The following FBXW11 variants were observed in gnomAD, a reference collection of about 807,000 sequenced individuals.
The protein encoded by FBXW11 is F-box/WD repeat-containing protein 11.
In FBXW11, 19 loss-of-function variants were observed where a neutral mutation model predicts 77.6. The ratio of observed to expected loss-of-function variants is 0.24; its 90% CI spans 0.17 to 0.36. The LOEUF is 0.36. FBXW11 is among the 10% of genes least tolerant of loss of function. The probability of loss-of-function intolerance (pLI) is 1.00; values close to 1 mark genes in which losing one functional copy is unlikely to be tolerated. For synonymous variants in FBXW11, 235 were observed against 249.4 expected, an observed-to-expected ratio of 0.94 and a Z score of 0.54; for missense variants, 334 against 704.2, an observed-to-expected ratio of 0.47 and a Z score of 5.95.
At chr5:171,912,234 T>C (rs995236470) in intron 3 of FBXW11, among the ~76,000 whole-genome samples, 4 of 152,216 alleles carry the variant, frequency 2.6e-5, no homozygotes, top group Admixed American at 2.6e-4. Flanking sequence ...AAGGCATCTA[T>C]CTTCCACTCA....
At chr5:171,946,749 C>T in intron 2 of FBXW11, among the ~76,000 whole-genome samples, 1 of 150,026 alleles carries the variant, frequency 6.7e-6, no homozygotes, top group East Asian at 2.0e-4. Context: ...TTGGGGTGCT[C>T]TATTCCCCCC....
intron 2 of FBXW11, among the ~76,000 whole-genome samples, chr5:171,951,615 C>T (rs1235927741): frequency 6.6e-6 from 1 of 151,980 alleles, no homozygotes; most frequent in Non-Finnish European, 1.5e-5. Context: ...TGTAGCCTCC[C>T]GAGTAGCTGA....
Position 171,914,423 on chromosome 5 carries a change from G to A in FBXW11, c.148-18C>T, listed in dbSNP as rs1581193483. 1 of 1,561,720 alleles carries A rather than the reference G, an allele frequency of 6.4e-7. No homozygotes were observed. The highest frequency in any genetic ancestry group is 8.6e-7 in the Non-Finnish European group (1 of 1,161,488). The stretch of plus-strand genomic sequence containing the variant: ...GAAGTGTTCTAGGGGGGGAAAAACA[G>A]GTTATTTGAATTATACCAAGTTTTG... On this transcript the variant is annotated intron_variant, in intron 2 of 13. Transcript: ENST00000517395.
At chr5:171,983,210 C>T (rs1022545908) in intron 1 of FBXW11, among the ~76,000 whole-genome samples, 3 of 151,940 alleles carry the variant, frequency 2.0e-5, no homozygotes, top group Non-Finnish European at 4.4e-5. Flanking sequence ...ACAAAAAAAC[C>T]AAGAGGACAG....
Position 171,953,613 on chromosome 5 carries a change from G to A in FBXW11, c.147+3984C>T, listed in dbSNP as rs147743000. ...CCAGGAGCAAGTAAATTTAAAAAAT[G>A]GATTTCATACCCCCCAAGAGTAAGA... On this transcript the variant is annotated intron_variant, in intron 2 of 13. Transcript: ENST00000517395. Among the ~76,000 whole-genome samples the A allele has an allele frequency of 2.5e-3, 384 of 152,180 alleles. 2 individuals are homozygous for A. The highest frequency in any genetic ancestry group is 8.0e-3 in the African/African-American group (333 of 41,504).
chr5:171,930,639 T>C (rs1156813159), intron 2 of FBXW11, among the ~76,000 whole-genome samples: 2 of 151,692 alleles, frequency 1.3e-5, no homozygotes, highest in East Asian at 3.9e-4. Context: ...TGTTCACTTG[T>C]TTATCTGCTG....
intron 2 of FBXW11, among the ~76,000 whole-genome samples, chr5:171,936,892 C>G (rs914298329): frequency 6.6e-6 from 1 of 152,028 alleles, no homozygotes; most frequent in Non-Finnish European, 1.5e-5. Flanking sequence ...AGCCTCTGAT[C>G]AAAAGATAAT....
chr5:171,920,680 C>T (rs1761543105), intron 2 of FBXW11, among the ~76,000 whole-genome samples: 1 of 152,046 alleles, frequency 6.6e-6, no homozygotes, highest in Non-Finnish European at 1.5e-5. Context: ...GCCCGGGCAA[C>T]AGAGCAAGCT....
chr5:171,893,420 C>CAAAAAAAAAA (rs1561656713), intron 6 of FBXW11, among the ~76,000 whole-genome samples: 1 of 4,530 alleles, frequency 2.2e-4, no homozygotes, highest in Non-Finnish European at 1.2e-3. Flanking sequence ...CACTTCAAAA[C>CAAAAAAAAAA]CAAAAAAAAA....
chr5:172,002,414 ATGTGTG>A (rs55720474), intron 1 of FBXW11, among the ~76,000 whole-genome samples: 78 of 144,068 alleles, frequency 5.4e-4, no homozygotes, highest in Middle Eastern at 7.0e-3. Context: ...TTTTATATAA[ATGTGTG>A]TGTGTGTGTG....
At chr5:171,992,491 GAAAGA>G (rs1375914107) in intron 1 of FBXW11, among the ~76,000 whole-genome samples, 5 of 148,616 alleles carry the variant, frequency 3.4e-5, no homozygotes, top group Non-Finnish European at 7.5e-5. Flanking sequence ...AAGAAAGGAA[GAAAGA>G]AAAGAGAGAG....
At chr5:171,891,209 A>G (rs1759323627) in intron 7 of FBXW11, among the ~76,000 whole-genome samples, 1 of 152,140 alleles carries the variant, frequency 6.6e-6, no homozygotes, top group Non-Finnish European at 1.5e-5. Flanking sequence ...TGATACTGGG[A>G]TATTTTCTAT....
At chr5:171,902,804 A>G (rs1215056796) in intron 4 of FBXW11, among the ~76,000 whole-genome samples, 1 of 152,224 alleles carries the variant, frequency 6.6e-6, no homozygotes, top group East Asian at 1.9e-4. Flanking sequence ...ATTTAGGCCT[A>G]CTTGTCTATA....
intron 2 of FBXW11, among the ~76,000 whole-genome samples, chr5:171,936,877 A>G (rs1220280466): frequency 5.9e-5 from 9 of 152,172 alleles, no homozygotes; most frequent in Admixed American, 5.2e-4. Flanking sequence ...AAATTAGAAA[A>G]TAAGAGCCTC....
intron 9 of FBXW11, 117 bp from the exon 10 acceptor site, chr5:171,873,107 C>G (rs1277538249): frequency 9.6e-6 from 8 of 833,982 alleles, no homozygotes; most frequent in Admixed American, 2.6e-5. Flanking sequence ...TTATAAAATA[C>G]GGTGTCCTCT....
chr5:171,912,905 G>A (rs1011573420), intron 3 of FBXW11, among the ~76,000 whole-genome samples: 3 of 147,686 alleles, frequency 2.0e-5, no homozygotes, highest in South Asian at 2.1e-4. Context: ...GCAAGACTGC[G>A]TCAAAAAAAA....
intron 1 of FBXW11, among the ~76,000 whole-genome samples, chr5:171,998,064 CT>C (rs895094786): frequency 1.3e-5 from 2 of 152,098 alleles, no homozygotes; most frequent in Non-Finnish European, 1.5e-5. Flanking sequence ...AGCCCATGCC[CT>C]TTTCATGGAG....
chr5:171,876,941 T>A lies in FBXW11; in HGVS notation c.972-407A>T, dbSNP rs1406681485. Among the ~76,000 whole-genome samples the A allele has an allele frequency of 2.0e-5, 3 of 152,216 alleles. No individual in the cohort carries two copies. The highest frequency in any genetic ancestry group is 4.4e-5 in the Non-Finnish European group (3 of 68,034). ...AAGTAGATGCTGGTGCCATGCTTCT[T>A]GCAGAGCCTGCAGAACCATGAGTCA... On this transcript the variant is annotated intron_variant, in intron 8 of 13. Coordinates refer to ENST00000517395, the MANE Select transcript of FBXW11 (RefSeq NM_001378974.1). The surrounding 1 kb of genome is among the most constrained non-coding windows in gnomAD (Gnocchi z 4.2).
intron 2 of FBXW11, among the ~76,000 whole-genome samples, chr5:171,919,980 A>AC (rs1433720498): frequency 6.6e-6 from 1 of 152,026 alleles, no homozygotes; most frequent in African/African-American, 2.4e-5. Context: ...ACATGGTGAA[A>AC]CCCCATCTCT....
Sources: gnomAD v4.1 joint callset for allele counts (sites outside exome capture counted in the v4.1 genomes callset) on GRCh38, gnomAD v4.1.1 for gene constraint, Gnocchi (gnomAD v3.1) non-coding constraint, MANE v1.5 for transcripts, NCBI Gene and HGNC (gene_info 2026-07-23, HGNC 2026-07-21) for gene names.